AP2B1: variants seen among roughly 807,000 people sequenced by gnomAD.
AP2B1 encodes the protein adaptor related protein complex 2 subunit beta 1.
A neutral mutation model predicts 102.0 loss-of-function variants in AP2B1; 23 were observed. The ratio of observed to expected loss-of-function variants is 0.23; its 90% CI spans 0.16 to 0.32. AP2B1 has a LOEUF of 0.32. Among genes scored for constraint, AP2B1 ranks in the 10% least tolerant of loss-of-function variants. The pLI is 1.00. For missense variants in AP2B1, 541 were observed against 1,157.4 expected, an observed-to-expected ratio of 0.47 and a Z score of 7.73; for synonymous variants, 381 against 421.2, an observed-to-expected ratio of 0.90 and a Z score of 1.17.
intron 3 of AP2B1, among the ~76,000 whole-genome samples, chr17:35,601,839 G>A (rs1212428475): frequency 1.3e-5 from 2 of 150,368 alleles, no homozygotes; most frequent in African/African-American, 2.5e-5. Flanking sequence ...GCGCAATGGC[G>A]TGATCTTGGC....
At chr17:35,656,040 A>G (rs931456233) in intron 13 of AP2B1, among the ~76,000 whole-genome samples, 1 of 152,122 alleles carries the variant, frequency 6.6e-6, no homozygotes, top group Non-Finnish European at 1.5e-5. Flanking sequence ...ATCTTCTCTC[A>G]GTTTGTAGAG....
At chr17:35,589,469 G>T (rs147615387) in intron 1 of AP2B1, among the ~76,000 whole-genome samples, 12 of 152,142 alleles carry the variant, frequency 7.9e-5, no homozygotes, top group Non-Finnish European at 1.5e-4. Context: ...TCTACCCAAG[G>T]TATTAATCTT....
At chr17:35,719,361 A>C (rs1187545292) in intron 21 of AP2B1, among the ~76,000 whole-genome samples, 1 of 150,470 alleles carries the variant, frequency 6.6e-6, no homozygotes, top group Non-Finnish European at 1.5e-5. Flanking sequence ...TGTCACCACA[A>C]AAAAAAAAAA....
At chr17:35,654,225 C>CT (rs1247894842) in intron 13 of AP2B1, among the ~76,000 whole-genome samples, 2 of 151,950 alleles carry the variant, frequency 1.3e-5, no homozygotes, top group African/African-American at 4.8e-5. Flanking sequence ...CCACTCCTAG[C>CT]TAATTTTTTT....
At chr17:35,685,950 C>T (rs1223686799) in intron 18 of AP2B1, among the ~76,000 whole-genome samples, 2 of 152,062 alleles carry the variant, frequency 1.3e-5, no homozygotes, top group African/African-American at 2.4e-5. Context: ...TTAGTAGAGA[C>T]GGGGTTTCAC....
chr17:35,691,596 C>T (rs1420638693), intron 18 of AP2B1, among the ~76,000 whole-genome samples: 1 of 152,308 alleles, frequency 6.6e-6, no homozygotes, highest in South Asian at 2.1e-4. Context: ...TGTGGGACCA[C>T]GATGCTCCTT....
At chr17:35,717,584 C>G (rs1310007769) in intron 21 of AP2B1, among the ~76,000 whole-genome samples, 4 of 152,212 alleles carry the variant, frequency 2.6e-5, no homozygotes, top group Non-Finnish European at 5.9e-5. Context: ...CATCCCTCCC[C>G]CCTGGTGTAT....
At chr17:35,662,433 G>A (rs1448577617) in intron 14 of AP2B1, among the ~76,000 whole-genome samples, 1 of 151,544 alleles carries the variant, frequency 6.6e-6, no homozygotes, top group Non-Finnish European at 1.5e-5. Context: ...GAGCATGACA[G>A]TTTACTAGTT....
intron 14 of AP2B1, among the ~76,000 whole-genome samples, chr17:35,667,450 A>G (rs932104454): frequency 6.6e-6 from 1 of 152,134 alleles, no homozygotes; most frequent in African/African-American, 2.4e-5. Flanking sequence ...GCTGAGTTGT[A>G]TCTGATATAC....
chr17:35,608,109 A>C, intron 4 of AP2B1, 33 bp from the exon 5 acceptor site: 1 of 1,610,458 alleles, frequency 6.2e-7, no homozygotes, highest in Non-Finnish European at 8.5e-7. Flanking sequence ...GCCACCATGT[A>C]TACCTACAGT....
chr17:35,607,695 G>A (rs1181964871), intron 4 of AP2B1: 6 of 153,494 alleles, frequency 3.9e-5, no homozygotes, highest in Non-Finnish European at 8.7e-5. Flanking sequence ...CTTGGCTGCA[G>A]GCCACAGAAA....
chr17:35,617,127 C>T (rs1278708014), intron 5 of AP2B1, among the ~76,000 whole-genome samples: 1 of 152,172 alleles, frequency 6.6e-6, no homozygotes, highest in East Asian at 1.9e-4. Flanking sequence ...ACAATCTCGG[C>T]TTACTGCAAC....
chr17:35,590,546 AC>A (rs759697387), intron 1 of AP2B1, among the ~76,000 whole-genome samples: 125 of 152,268 alleles, frequency 8.2e-4, no homozygotes, highest in Non-Finnish European at 1.5e-3. Context: ...CCAGCTTGGC[AC>A]CATGTTTCTC....
At chr17:35,637,930 C>G (rs760813295) in intron 10 of AP2B1, among the ~76,000 whole-genome samples, 15 of 151,838 alleles carry the variant, frequency 9.9e-5, no homozygotes, top group Admixed American at 2.6e-4. Flanking sequence ...AGTGATCCCC[C>G]CCACCTCGCC....
At chr17:35,651,460 C>A (rs1247331104) in intron 13 of AP2B1, among the ~76,000 whole-genome samples, 1 of 152,174 alleles carries the variant, frequency 6.6e-6, no homozygotes, top group African/African-American at 2.4e-5. Context: ...TAAACTCTTA[C>A]AATGGGTATC....
intron 18 of AP2B1, among the ~76,000 whole-genome samples, chr17:35,700,453 A>G (rs2076219608): frequency 6.6e-6 from 1 of 152,066 alleles, no homozygotes; most frequent in Admixed American, 6.6e-5. Flanking sequence ...GAAAAAAATA[A>G]TTCTTCAGAA....
chr17:35,642,091 T>G, intron 12 of AP2B1, 116 bp downstream of exon 12: 1 of 656,978 alleles, frequency 1.5e-6, no homozygotes, highest in Non-Finnish European at 2.6e-6. Context: ...AAGTATGGCC[T>G]TTAGATCCTG....
intron 7 of AP2B1, 89 bp downstream of exon 7, chr17:35,626,931 CTT>C: frequency 8.1e-7 from 1 of 1,232,166 alleles, no homozygotes; most frequent in Non-Finnish European, 1.2e-6. Flanking sequence ...GTGTTAATCT[CTT>C]TTTAATATAT....
chr17:35,708,452 C>A lies in AP2B1; in HGVS notation c.2455-772C>A, dbSNP rs367913769. Among the ~76,000 whole-genome samples, 108 of 149,688 alleles carry A rather than the reference C, an allele frequency of 7.2e-4. 1 individual carries two copies. Among genetic ancestry groups the A allele is most frequent in the African/African-American group, 1.5e-3 (62 of 40,790 alleles). ...TTACTGTAGCTTTAAAAAAAAAAAA[C>A]AAACAAACAGGATGCTCTGAATTAA... On this transcript the variant is annotated intron_variant, in intron 18 of 21. Coordinates refer to ENST00000610402, the MANE Select transcript of AP2B1 (RefSeq NM_001030006.2).
Sources: allele counts gnomAD v4.1 joint callset (sites outside exome capture counted in the v4.1 genomes callset), GRCh38; gene constraint gnomAD v4.1.1; transcripts MANE v1.5; gene names NCBI Gene and HGNC (gene_info 2026-07-23, HGNC 2026-07-21).